Variants in KCNQ1 observed in about 807,000 individuals in gnomAD.
KCNQ1 encodes the protein potassium voltage-gated channel subfamily KQT member 1.
Under a neutral mutation model 72.4 loss-of-function variants are expected in KCNQ1, and 49 were observed. The observed-to-expected ratio is 0.68, with a 90% CI of 0.54 to 0.86. The LOEUF is 0.86. KCNQ1 is among the 40% of genes least tolerant of loss of function. KCNQ1 has a pLI of 0.00. For missense variants in KCNQ1, 790 were observed against 945.1 expected, an observed-to-expected ratio of 0.84 and a Z score of 2.15; for synonymous variants, 450 against 412.6, an observed-to-expected ratio of 1.09 and a Z score of -1.10.
intron 1 of KCNQ1, among the ~76,000 whole-genome samples, chr11:2,449,440 A>C (rs1335666453): frequency 6.6e-6 from 1 of 152,148 alleles, no homozygotes; most frequent in Non-Finnish European, 1.5e-5. Context: ...GATGGGATGA[A>C]CTTCCGCTGG....
chr11:2,662,490 G>T, intron 11 of KCNQ1: 1 of 463,852 alleles, frequency 2.2e-6, no homozygotes. Flanking sequence ...AGTTGCTGCT[G>T]CTGTCCTCAG....
At position 2,813,362 on chromosome 11, in the gene KCNQ1, C is replaced by G. The variant is rs1847532230; in HGVS notation, c.1795-34405C>G. On this transcript the variant is annotated intron_variant, in intron 15 of 15. Transcript: ENST00000155840. This position sits in a 1 kb window ranked among gnomAD's most constrained non-coding sequence, Gnocchi z 4.4. The stretch of plus-strand genomic sequence containing the variant: ...CACCTCCATTCAGGGAACCTGGGCT[C>G]CCCACTCTCACAGGGGTGGAGACCT... 6.6e-6 allele frequency among the ~76,000 whole-genome samples: 1 copy of G among 152,158 alleles called. No homozygotes were observed. Among genetic ancestry groups the G allele is most frequent in the Non-Finnish European group, 1.5e-5 (1 of 68,044 alleles).
chr11:2,461,705 C>G lies in KCNQ1; in HGVS notation c.386+16221C>G, dbSNP rs529718749. 5 of 1,367,072 alleles carry G rather than the reference C, an allele frequency of 3.7e-6. No homozygotes were observed. The African/African-American group carries it at 5.9e-5, about 16-fold the overall frequency. 84.7% of individuals were successfully genotyped at this position (1,367,072 alleles called of 1,614,324 possible). On this transcript the variant is annotated intron_variant, in intron 1 of 15. Transcript: ENST00000155840. ...TGTGCTTCCTGAGCCAGTGCGGGGCCTGGCATGGAGTAGGTACCCCGGGGG... is the reference window on the plus strand; with the variant it reads ...TGTGCTTCCTGAGCCAGTGCGGGGCGTGGCATGGAGTAGGTACCCCGGGGG...
In KCNQ1 at chr11:2,645,377, A is replaced by AGGGTGGGACCAGGCC; in HGVS notation, c.1394-16583_1394-16569dup. On this transcript the variant is annotated intron_variant, in intron 10 of 15. Coordinates refer to ENST00000155840, the MANE Select transcript of KCNQ1 (RefSeq NM_000218.3). This position sits in a 1 kb window ranked among gnomAD's most constrained non-coding sequence, Gnocchi z 5.8. ...GTATGCGCTGGCACTGGGAGAAAAGAGGGTGGGACCAGGCCAGGTGGGCCT... is the reference window on the plus strand; with the variant it reads ...GTATGCGCTGGCACTGGGAGAAAAGAGGGTGGGACCAGGCCGGGTGGGACCAGGCCAGGTGGGCCT... 2.5e-6 allele frequency: 1 copy of AGGGTGGGACCAGGCC among 398,792 alleles called. No homozygotes were observed. Among genetic ancestry groups the AGGGTGGGACCAGGCC allele is most frequent in the Non-Finnish European group, 4.4e-6 (1 of 226,246 alleles). The allele number at this position is 398,792 out of a possible 1,614,324, so 24.7% of individuals were successfully genotyped here.
chr11:2,523,062 G>A (rs906886249), intron 1 of KCNQ1, among the ~76,000 whole-genome samples: 10 of 152,342 alleles, frequency 6.6e-5, no homozygotes, highest in East Asian at 3.9e-4. Flanking sequence ...GCTGGAATCC[G>A]CGCCATGAAG....
At chr11:2,838,405 G>A (rs1342184225) in intron 15 of KCNQ1, among the ~76,000 whole-genome samples, 1 of 152,198 alleles carries the variant, frequency 6.6e-6, no homozygotes, top group Non-Finnish European at 1.5e-5. Flanking sequence ...CAGACCACAG[G>A]GTTGTGAGCG....
chr11:2,819,106 G>GGTTC (rs1258272821), intron 15 of KCNQ1, among the ~76,000 whole-genome samples: 1 of 152,166 alleles, frequency 6.6e-6, no homozygotes, highest in Non-Finnish European at 1.5e-5. Context: ...TTTGTTCATT[G>GGTTC]GTTCATTCAT....
rs151212 is a variant in KCNQ1, at chr11:2,669,063, A to C, written c.1514+6982A>C. 0.43 allele frequency: 170,000 copies of C among 398,398 alleles called. 41,726 individuals carry two copies. The highest frequency in any genetic ancestry group is 0.94 in the East Asian group (26,453 of 28,070). 24.7% of individuals were successfully genotyped at this position (398,398 alleles called of 1,614,324 possible). ...GGCATGGGAAGGCCCGTCCTCTCCC[A>C]ACTACCCTGCCGTATCAGTGTCTTT... On this transcript the variant is annotated intron_variant, in intron 11 of 15. Coordinates refer to ENST00000155840, the MANE Select transcript of KCNQ1 (RefSeq NM_000218.3). This position sits in a 1 kb window ranked among gnomAD's most constrained non-coding sequence, Gnocchi z 5.6.
intron 11 of KCNQ1, among the ~76,000 whole-genome samples, chr11:2,729,524 C>A (rs995701495): frequency 4.6e-5 from 7 of 152,224 alleles, no homozygotes; most frequent in Non-Finnish European, 7.3e-5. Context: ...GGCTCTGCAT[C>A]CATGGATTCA....
In KCNQ1 at chr11:2,755,615, T is replaced by A. The variant is rs114557884; in HGVS notation, c.1515-13229T>A. ...TTGGGCCCACCTGGACAATTCAATA[T>A]GATTTCCCCATCTCAGTGTTCATGA... On this transcript the variant is annotated intron_variant, in intron 11 of 15. Transcript: ENST00000155840. Among the ~76,000 whole-genome samples the A allele has an allele frequency of 4.9e-3, 741 of 152,342 alleles. 5 individuals carry two copies. The highest frequency in any genetic ancestry group is 0.017 in the African/African-American group (699 of 41,572).
rs1417168099 is a variant in KCNQ1, at chr11:2,759,538, C to T, written c.1515-9306C>T. 6.6e-6 allele frequency among the ~76,000 whole-genome samples: 1 copy of T among 152,224 alleles called. No homozygotes were observed. The highest frequency in any genetic ancestry group is 1.9e-4 in the East Asian group (1 of 5,200). ...CTCCTAGGACGCACAGGTGTGGGAC[C>T]TCACTGCGCGGGAGGGAGTTGCAAA... is the stretch of plus-strand genomic sequence containing the variant. On this transcript the variant is annotated intron_variant, in intron 11 of 15. Transcript: ENST00000155840. The surrounding 1 kb of genome is among the most constrained non-coding windows in gnomAD (Gnocchi z 4.4).
At chr11:2,731,846 C>G (rs772258223) in intron 11 of KCNQ1, among the ~76,000 whole-genome samples, 1 of 152,252 alleles carries the variant, frequency 6.6e-6, no homozygotes. Context: ...CGTCTGATCA[C>G]ACCACTGCAG....
intron 1 of KCNQ1, among the ~76,000 whole-genome samples, chr11:2,460,761 G>A (rs1322409852): frequency 6.6e-6 from 1 of 152,258 alleles, no homozygotes; most frequent in Non-Finnish European, 1.5e-5. Flanking sequence ...AGGCCCTTAT[G>A]AGAGGGTGGT....
Position 2,682,444 on chromosome 11 carries a change from A to C in KCNQ1, c.1514+20363A>C. 1 of 398,204 alleles carries C rather than the reference A, an allele frequency of 2.5e-6. No individual in the cohort carries two copies. Among genetic ancestry groups the C allele is most frequent in the Non-Finnish European group, 4.4e-6 (1 of 226,082 alleles). 24.7% of individuals were successfully genotyped at this position (398,204 alleles called of 1,614,324 possible). A position where few individuals can be genotyped will look rare whatever the true frequency, so the allele number is the denominator to read the frequency against. On this transcript the variant is annotated intron_variant, in intron 11 of 15. Transcript: ENST00000155840. The surrounding 1 kb of genome is among the most constrained non-coding windows in gnomAD (Gnocchi z 5.8). ...TATCTTCAGTGCTTAATCCATATGG[A>C]GCCTGTCACGGACCCTCAGTGAATG...
chr11:2,648,981 C>CTTTTTTTTTTTTTTTTTTTTTT, intron 10 of KCNQ1: 49 of 213,284 alleles, frequency 2.3e-4, no homozygotes, highest in African/African-American at 7.1e-4. Context: ...TTTTCTTTTT[C>CTTTTTTTTTTTTTTTTTTTTTT]TTTTTTTTTT....
Position 2,538,891 on chromosome 11 carries a change from C to T in KCNQ1, c.477+10873C>T, listed in dbSNP as rs1424588973. ...ATTTTTTAAACCTTCTCCAAAAACA[C>T]GTAACCCGATTCTGTCCAAGCGATT... On this transcript the variant is annotated intron_variant, in intron 2 of 15. Transcript: ENST00000155840. The surrounding 1 kb of genome is among the most constrained non-coding windows in gnomAD (Gnocchi z 6.7). Among the ~76,000 whole-genome samples, 2 of 152,100 alleles carry T rather than the reference C, an allele frequency of 1.3e-5. No homozygotes were observed. Among genetic ancestry groups the T allele is most frequent in the African/African-American group, 2.4e-5 (1 of 41,484 alleles).
chr11:2,706,592 G>A (rs578225767), intron 11 of KCNQ1, among the ~76,000 whole-genome samples: 1 of 152,366 alleles, frequency 6.6e-6, no homozygotes, highest in African/African-American at 2.4e-5. Context: ...GCAAAGGCCA[G>A]CTGACAGAGC....
At chr11:2,780,487 T>C (rs1017043038) in intron 15 of KCNQ1, among the ~76,000 whole-genome samples, 2 of 152,122 alleles carry the variant, frequency 1.3e-5, no homozygotes, top group African/African-American at 4.8e-5. Context: ...GCCCCTGGCC[T>C]TCCCTACCAG....
chr11:2,475,244 C>T lies in KCNQ1; in HGVS notation c.386+29760C>T, dbSNP rs1846553201. On this transcript the variant is annotated intron_variant, in intron 1 of 15. Transcript: ENST00000155840. This position sits in a 1 kb window ranked among gnomAD's most constrained non-coding sequence, Gnocchi z 5.8. Reference sequence around the variant, plus strand: ...GTGCCTGAAATCATGGCAAACGTGGCCCTGTGTGTCTGGTTTCCTTCACCG... The same window carrying T: ...GTGCCTGAAATCATGGCAAACGTGGTCCTGTGTGTCTGGTTTCCTTCACCG... Among the ~76,000 whole-genome samples, 1 of 152,058 alleles carries T rather than the reference C, an allele frequency of 6.6e-6. No individual in the cohort carries two copies. Among genetic ancestry groups the T allele is most frequent in the African/African-American group, 2.4e-5 (1 of 41,408 alleles).
Sources: gnomAD v4.1 joint callset for allele counts (sites outside exome capture counted in the v4.1 genomes callset) on GRCh38, gnomAD v4.1.1 for gene constraint, Gnocchi (gnomAD v3.1) non-coding constraint, MANE v1.5 for transcripts, NCBI Gene and HGNC (gene_info 2026-07-23, HGNC 2026-07-21) for gene names.